Variants in B3GALNT2 observed in about 807,000 individuals in gnomAD.
The protein encoded by B3GALNT2 is UDP-GalNAc:beta-1,3-N-acetylgalactosaminyltransferase 2.
In B3GALNT2, 53 loss-of-function variants were observed where a neutral mutation model predicts 61.1. The ratio of observed to expected loss-of-function variants is 0.87; its 90% confidence interval spans 0.70 to 1.09. B3GALNT2 has a LOEUF of 1.09. Ranked by LOEUF, B3GALNT2 falls within the 50% of genes least tolerant of loss-of-function variation. The pLI is 0.00. For synonymous variants in B3GALNT2, 223 were observed against 237.4 expected, an observed-to-expected ratio of 0.94 and a Z score of 0.56; for missense variants, 544 against 623.0, an observed-to-expected ratio of 0.87 and a Z score of 1.35.
In B3GALNT2 at chr1:235,494,577, C is replaced by T. The variant is rs911787144; in HGVS notation, c.260+104G>A. On this transcript the variant is annotated intron_variant, in intron 2 of 11. Coordinates refer to ENST00000366600, the MANE Select transcript of B3GALNT2 (RefSeq NM_152490.5). ...GCTCAAGCAATCCTTCCACCTCAGC[C>T]TCCCCGGTAGCTGGGACGACGGGCA... 7.1e-6 allele frequency: 9 copies of T among 1,271,972 alleles called. No homozygotes were observed. The African/African-American group carries it at 1.4e-4, about 19-fold the overall frequency. The allele number at this position is 1,271,972 out of a possible 1,614,324, so 78.8% of individuals were successfully genotyped here. A position where few individuals can be genotyped will look rare whatever the true frequency, so the allele number is the denominator to read the frequency against.
downstream of B3GALNT2, among the ~76,000 whole-genome samples, chr1:235,443,755 A>G (rs907937485): frequency 6.6e-6 from 1 of 152,176 alleles, no homozygotes; most frequent in Non-Finnish European, 1.5e-5. Context: ...TGCTCTTTTA[A>G]TGGACACCCT....
At chr1:235,489,103 T>C in intron 3 of B3GALNT2, 65 bp downstream of exon 3, 1 of 1,583,272 alleles carries the variant, frequency 6.3e-7, no homozygotes, top group East Asian at 2.3e-5. Flanking sequence ...TCCATACTAT[T>C]AAGCTTAGCA....
At chr1:235,502,799 C>T (rs905760876) in intron 1 of B3GALNT2, among the ~76,000 whole-genome samples, 4 of 152,324 alleles carry the variant, frequency 2.6e-5, no homozygotes, top group East Asian at 1.9e-4. Context: ...GCAGGGCTCA[C>T]TCATAACAAA....
chr1:235,495,445 A>G (rs1685273851), intron 1 of B3GALNT2, among the ~76,000 whole-genome samples: 1 of 152,224 alleles, frequency 6.6e-6, no homozygotes, highest in South Asian at 2.1e-4. Flanking sequence ...AAAGTAATGC[A>G]ACCCTTATTT....
At chr1:235,443,758 G>C (rs1366613162), downstream of B3GALNT2, among the ~76,000 whole-genome samples, 1 of 152,110 alleles carries the variant, frequency 6.6e-6, no homozygotes, top group African/African-American at 2.4e-5. Context: ...TCTTTTAATG[G>C]ACACCCTGAA....
chr1:235,448,232 AAAAAAAAAGAC>A lies in B3GALNT2; in HGVS notation c.*1963_*1973del. 1.3e-6 allele frequency: 1 copy of A among 798,480 alleles called. No homozygotes were observed. The highest frequency in any genetic ancestry group is 1.7e-5 in the South Asian group (1 of 59,698). 49.5% of individuals were successfully genotyped at this position (798,480 alleles called of 1,614,324 possible). A position where few individuals can be genotyped will look rare whatever the true frequency, so the allele number is the denominator to read the frequency against. On this transcript the variant is annotated 3_prime_UTR_variant, in exon 12 of 12. Transcript: ENST00000366600. ...AGTAAGTCAGTCTCAAAAAAAAAAA[AAAAAAAAAGAC>A]AGATACAGCTATCATTGCAATGATA... is the stretch of plus-strand genomic sequence containing the variant.
At chr1:235,498,877 G>C (rs910802349) in intron 1 of B3GALNT2, among the ~76,000 whole-genome samples, 1 of 112,114 alleles carries the variant, frequency 8.9e-6, no homozygotes, top group Admixed American at 1.2e-4. Flanking sequence ...AAAAAAAAAG[G>C]CTACTCTTTT....
At chr1:235,498,800 C>T (rs909566492) in intron 1 of B3GALNT2, among the ~76,000 whole-genome samples, 5 of 139,158 alleles carry the variant, frequency 3.6e-5, no homozygotes, top group African/African-American at 5.5e-5. Context: ...GCCAAGATCC[C>T]GCCACTGCTC....
rs1490214425 is a variant in B3GALNT2, at chr1:235,448,374, GGGAT to G, written c.*1828_*1831del. 6.2e-7 allele frequency: 1 copy of G among 1,614,186 alleles called. No individual in the cohort carries two copies. Among genetic ancestry groups the G allele is most frequent in the Non-Finnish European group, 8.5e-7 (1 of 1,180,020 alleles). ...GCTCCATGACAATTCAAAAGGTGAA[GGGAT>G]TGCTGTCACGTCTTCTCAAAGTTCC... is the stretch of plus-strand genomic sequence containing the variant. On this transcript the variant is annotated 3_prime_UTR_variant, in exon 12 of 12. Transcript: ENST00000366600.
Position 235,448,124 on chromosome 1 carries a change from C to T in B3GALNT2, c.*2082G>A, listed in dbSNP as rs994474159. Among the ~76,000 whole-genome samples, 1 of 149,616 alleles carries T rather than the reference C, an allele frequency of 6.7e-6. No individual in the cohort carries two copies. Among genetic ancestry groups the T allele is most frequent in the Non-Finnish European group, 1.5e-5 (1 of 67,710 alleles). On this transcript the variant is annotated 3_prime_UTR_variant, in exon 12 of 12. Transcript: ENST00000366600. ...CTGAGGCAGGAGAATTGTTTGAACCCGGGAAGCGGAGGTTGCAGTGAGCCG... is the reference window on the plus strand; with the variant it reads ...CTGAGGCAGGAGAATTGTTTGAACCTGGGAAGCGGAGGTTGCAGTGAGCCG...
intron 5 of B3GALNT2, among the ~76,000 whole-genome samples, chr1:235,473,374 T>C (rs980848853): frequency 1.3e-5 from 2 of 152,220 alleles, no homozygotes; most frequent in East Asian, 1.9e-4. Context: ...TTTGGAAGGA[T>C]TGATAGCATA....
Position 235,489,197 on chromosome 1 carries a change from G to C in B3GALNT2, c.332C>G (p.Ser111Cys). 6.2e-7 allele frequency: 1 copy of C among 1,614,044 alleles called. No individual in the cohort carries two copies. The highest frequency in any genetic ancestry group is 8.5e-7 in the Non-Finnish European group (1 of 1,179,962). The change falls in exon 3 of 12, where the codon TCC becomes TGC. Residue 111 changes from serine to cysteine, a missense_variant. By Grantham distance (112) the Ser-to-Cys change is moderately radical. Coordinates refer to ENST00000366600, the MANE Select transcript of B3GALNT2 (RefSeq NM_152490.5). Reference protein sequence around the residue: ...VPVEDREDPYSCKLLNITNPV... With the variant: ...VPVEDREDPYCCKLLNITNPV... ...ATTTGTGATGTTGAGTAGTTTACAG[G>C]AATAAGGATCCTCCCTGTCTTCCAC...
chr1:235,488,690 T>TC (rs1684916614), intron 3 of B3GALNT2, among the ~76,000 whole-genome samples: 1 of 49,196 alleles, frequency 2.0e-5, no homozygotes, highest in African/African-American at 9.8e-5. Context: ...AGACTCCATC[T>TC]CCAAAAAAAA....
At chr1:235,493,857 G>C (rs1685190628) in intron 2 of B3GALNT2, among the ~76,000 whole-genome samples, 1 of 152,014 alleles carries the variant, frequency 6.6e-6, no homozygotes, top group Admixed American at 6.6e-5. Flanking sequence ...AATCCTGAAA[G>C]GGCCTTCTCT....
rs577809474 is a variant in B3GALNT2 at position 235,454,908 on chromosome 1, T to C, written c.1152-593A>G. Among the ~76,000 whole-genome samples the C allele has an allele frequency of 3.9e-5, 6 of 152,260 alleles. No homozygotes were observed. In the South Asian group the frequency reaches 1.0e-3, roughly 26 times the overall value. On this transcript the variant is annotated intron_variant, in intron 9 of 11. Coordinates refer to ENST00000366600, the MANE Select transcript of B3GALNT2 (RefSeq NM_152490.5). ...GTATATATGAAAACAAAAAACCAAATCACTAATCCATATTGTATTCCTGAG... is the reference window on the plus strand; with the variant it reads ...GTATATATGAAAACAAAAAACCAAACCACTAATCCATATTGTATTCCTGAG...
rs116424697 is a variant in B3GALNT2 at position 235,456,144 on chromosome 1, C to T, written c.1026-460G>A. Among the ~76,000 whole-genome samples the T allele has an allele frequency of 9.6e-3, 1,458 of 152,248 alleles. 15 individuals carry two copies. The highest frequency in any genetic ancestry group is 0.013 in the Non-Finnish European group (865 of 68,030). On this transcript the variant is annotated intron_variant, in intron 8 of 11. Coordinates refer to ENST00000366600, the MANE Select transcript of B3GALNT2 (RefSeq NM_152490.5). The stretch of plus-strand genomic sequence containing the variant: ...TGCATCCGATGCTATTTATATTACA[C>T]TCAAAATATTTTATGGCTTAAAAAA...
At chr1:235,458,538 C>T in intron 8 of B3GALNT2, 65 bp downstream of exon 8, 1 of 1,514,754 alleles carries the variant, frequency 6.6e-7, no homozygotes, top group Non-Finnish European at 8.8e-7. Flanking sequence ...AGTAAGACCC[C>T]ATCTCAAAAA....
chr1:235,477,659 A>T (rs899152185), intron 5 of B3GALNT2, among the ~76,000 whole-genome samples: 1 of 152,154 alleles, frequency 6.6e-6, no homozygotes, highest in Non-Finnish European at 1.5e-5. Context: ...GATGTTTAGC[A>T]GAATCCCTGT....
chr1:235,443,195 T>TATATATAC (rs145989548), downstream of B3GALNT2, among the ~76,000 whole-genome samples: 1 of 149,522 alleles, frequency 6.7e-6, no homozygotes, highest in African/African-American at 2.5e-5. Flanking sequence ...CATATATATA[T>TATATATAC]ACACACACAC....
Sources: gnomAD v4.1 joint callset for allele counts (sites outside exome capture counted in the v4.1 genomes callset) on GRCh38, gnomAD v4.1.1 for gene constraint, MANE v1.5 for transcripts, NCBI Gene and HGNC (gene_info 2026-07-23, HGNC 2026-07-21) for gene names.